The following TUBGCP3 variants were observed in gnomAD, a reference collection of about 807,000 sequenced individuals.
TUBGCP3 encodes tubulin gamma complex component 3, also known as gamma-tubulin complex component 3.
Under a neutral mutation model 123.1 loss-of-function variants are expected in TUBGCP3, and 50 were observed. That is an observed-to-expected ratio of 0.41 (90% CI 0.32 to 0.51). The LOEUF (loss-of-function observed/expected upper bound fraction) is 0.51, where lower values mean the gene tolerates loss of function less well. TUBGCP3 is among the 20% of genes least tolerant of loss of function. The pLI is 0.36. For missense variants in TUBGCP3, 882 were observed against 1,127.0 expected, an observed-to-expected ratio of 0.78 and a Z score of 3.11; for synonymous variants, 405 against 413.9, an observed-to-expected ratio of 0.98 and a Z score of 0.26.
chr13:112,560,153 G>A (rs1302241056), intron 3 of TUBGCP3, among the ~76,000 whole-genome samples: 14 of 147,752 alleles, frequency 9.5e-5, no homozygotes, highest in South Asian at 2.1e-4. Flanking sequence ...AAAAAAGGCC[G>A]GGCGCGGTGG....
chr13:112,529,419 C>G (rs1338788884), intron 11 of TUBGCP3, among the ~76,000 whole-genome samples: 1 of 152,122 alleles, frequency 6.6e-6, no homozygotes, highest in Non-Finnish European at 1.5e-5. Context: ...TCTGATAATG[C>G]CTCTATTTAC....
intron 19 of TUBGCP3, among the ~76,000 whole-genome samples, chr13:112,501,164 TG>T: frequency 6.6e-6 from 1 of 152,354 alleles, no homozygotes; most frequent in South Asian, 2.1e-4. Context: ...ACGTGATTAA[TG>T]CGGCAAACAC....
intron 3 of TUBGCP3, among the ~76,000 whole-genome samples, chr13:112,561,513 G>A (rs1594203762): frequency 1.3e-5 from 2 of 152,216 alleles, no homozygotes; most frequent in Admixed American, 6.5e-5. Flanking sequence ...ACAAACGAGA[G>A]ATATAGCTGG....
chr13:112,579,468 C>T (rs1423261141), intron 1 of TUBGCP3, among the ~76,000 whole-genome samples: 3 of 136,000 alleles, frequency 2.2e-5, no homozygotes, highest in African/African-American at 5.7e-5. Context: ...TGAGTGCCCG[C>T]GGGGCCACGG....
chr13:112,539,726 C>T (rs7336244), intron 11 of TUBGCP3, among the ~76,000 whole-genome samples: 3 of 152,154 alleles, frequency 2.0e-5, no homozygotes, highest in East Asian at 3.9e-4. Flanking sequence ...AGTAGCCTAT[C>T]GGCATTTGGG....
chr13:112,527,538 T>C, intron 11 of TUBGCP3, 54 bp from the exon 12 acceptor site: 2 of 1,218,284 alleles, frequency 1.6e-6, no homozygotes, highest in Non-Finnish European at 2.4e-6. Flanking sequence ...GGCAAAATAT[T>C]AACCAACAGC....
chr13:112,575,026 G>A (rs1010022404), intron 1 of TUBGCP3, among the ~76,000 whole-genome samples: 6 of 152,172 alleles, frequency 3.9e-5, no homozygotes, highest in African/African-American at 1.4e-4. Context: ...CCCCCGCAGT[G>A]GGCTGCCCCA....
chr13:112,602,783 T>C, the TUBGCP3 span: 2 of 152,244 alleles, frequency 1.3e-5, no homozygotes, highest in African/African-American at 4.8e-5. Context: ...GATGAGTCTG[T>C]ATAATTTGAG....
At chr13:112,529,591 C>A (rs1293720574) in intron 11 of TUBGCP3, among the ~76,000 whole-genome samples, 1 of 152,218 alleles carries the variant, frequency 6.6e-6, no homozygotes, top group African/African-American at 2.4e-5. Context: ...TCACCCTGGA[C>A]CCCAGTGGTC....
intron 1 of TUBGCP3, among the ~76,000 whole-genome samples, chr13:112,584,961 T>C (rs1294452674): frequency 6.6e-6 from 1 of 152,216 alleles, no homozygotes; most frequent in Non-Finnish European, 1.5e-5. Flanking sequence ...TTGGAAAAGG[T>C]GGTAAATCAT....
At chr13:112,516,608 T>C in intron 16 of TUBGCP3, 33 bp from the exon 17 acceptor site, 1 of 1,604,528 alleles carries the variant, frequency 6.2e-7, no homozygotes, top group Non-Finnish European at 8.5e-7. Flanking sequence ...GTTGATAGTA[T>C]TCCCACGTAA....
chr13:112,601,603 C>T, the TUBGCP3 span, among the ~76,000 whole-genome samples: 4 of 152,126 alleles, frequency 2.6e-5, no homozygotes, highest in Middle Eastern at 3.2e-3. Flanking sequence ...AGATCACTCT[C>T]GAAGGTCAAG....
intron 19 of TUBGCP3, 144 bp from the exon 20 acceptor site, chr13:112,499,329 C>T (rs924808054): frequency 2.1e-5 from 23 of 1,110,708 alleles, no homozygotes; most frequent in Non-Finnish European, 2.7e-5. Flanking sequence ...CATTCATTCC[C>T]TCACCACACA....
chr13:112,583,010 C>T (rs1328276912), intron 1 of TUBGCP3, among the ~76,000 whole-genome samples: 1 of 152,104 alleles, frequency 6.6e-6, no homozygotes, highest in Admixed American at 6.5e-5. Context: ...ACTTAAAAGC[C>T]GGGGTGAATT....
intron 1 of TUBGCP3, among the ~76,000 whole-genome samples, chr13:112,571,892 C>G (rs1881424201): frequency 6.6e-6 from 1 of 152,210 alleles, no homozygotes; most frequent in African/African-American, 2.4e-5. Flanking sequence ...CTGCTAGCTT[C>G]TAACTTTTCT....
chr13:112,601,920 G>A, the TUBGCP3 span, among the ~76,000 whole-genome samples: 5 of 152,282 alleles, frequency 3.3e-5, no homozygotes, highest in East Asian at 5.8e-4. Flanking sequence ...CTGTAGCCCC[G>A]GGATGTCACT....
intron 19 of TUBGCP3, among the ~76,000 whole-genome samples, chr13:112,501,072 T>C (rs1880871689): frequency 6.6e-6 from 1 of 152,224 alleles, no homozygotes; most frequent in South Asian, 2.1e-4. Flanking sequence ...TCAGATTACA[T>C]GGCAACAAAA....
intron 20 of TUBGCP3, 52 bp from the exon 21 acceptor site, chr13:112,489,749 T>G (rs1342365237): frequency 6.8e-7 from 1 of 1,480,300 alleles, no homozygotes; most frequent in Non-Finnish European, 9.4e-7. Flanking sequence ...GAAAACAGAT[T>G]ACAGAGTAGG....
At chr13:112,537,126 CCTT>C (rs367862916) in intron 11 of TUBGCP3, among the ~76,000 whole-genome samples, 16,283 of 121,796 alleles carry the variant, frequency 0.13, 1,185 homozygotes, top group Non-Finnish European at 0.18. Flanking sequence ...TTACCTTTTT[CCTT>C]TTTTTTTTTT....
Sources: gnomAD v4.1 joint callset for allele counts (sites outside exome capture counted in the v4.1 genomes callset) on GRCh38, gnomAD v4.1.1 for gene constraint, MANE v1.5 for transcripts, NCBI Gene and HGNC (gene_info 2026-07-23, HGNC 2026-07-21) for gene names.